Variants in CCDC88C observed in about 807,000 individuals in gnomAD.
CCDC88C encodes the protein coiled-coil and HOOK domain protein 88C, also known as protein Daple.
Under a neutral mutation model 198.8 loss-of-function variants are expected in CCDC88C, and 131 were observed. The observed-to-expected ratio is 0.66, with a 90% CI of 0.57 to 0.76. The LOEUF (loss-of-function observed/expected upper bound fraction) is 0.76. CCDC88C is among the 30% of genes least tolerant of loss of function. The probability of loss-of-function intolerance (pLI) is 0.00; values close to 1 mark genes in which losing one functional copy is unlikely to be tolerated. For missense variants in CCDC88C, 2,553 were observed against 2,631.6 expected, an observed-to-expected ratio of 0.97 and a Z score of 0.65; for synonymous variants, 1,166 against 1,114.7, an observed-to-expected ratio of 1.05 and a Z score of -0.92.
At chr14:91,383,043 G>C (rs556563845) in intron 3 of CCDC88C, among the ~76,000 whole-genome samples, 17 of 152,310 alleles carry the variant, frequency 1.1e-4, no homozygotes, top group African/African-American at 3.8e-4. Flanking sequence ...CTTAAAGCCA[G>C]ATCCTACTGA....
chr14:91,412,609 G>GT (rs1434787043), intron 2 of CCDC88C, among the ~76,000 whole-genome samples: 3 of 151,886 alleles, frequency 2.0e-5, no homozygotes, highest in African/African-American at 7.2e-5. Context: ...TAATTTTTTT[G>GT]TATTTTTAGT....
chr14:91,408,579 C>A, intron 3 of CCDC88C, 80 bp downstream of exon 3: 2 of 892,892 alleles, frequency 2.2e-6, no homozygotes, highest in Non-Finnish European at 1.9e-6. Context: ...CGTTTCCTCC[C>A]GGCCTCCTGT....
Position 91,307,201 on chromosome 14 carries a change from C to T in CCDC88C, c.3032G>A (p.Arg1011Lys), listed in dbSNP as rs755160636. Reference sequence around the variant, plus strand: ...GTGCTGCCCCTCTCCCTGGTTCTGCCTGAGGGTCTCACACTCCTTCTTTAG... The same window carrying T: ...GTGCTGCCCCTCTCCCTGGTTCTGCTTGAGGGTCTCACACTCCTTCTTTAG... ...QMLKKECETL[R>K]QNQGEGQHLQ... The change falls in exon 18 of 30, where the codon AGG becomes AAG. Residue 1011 changes from arginine (R) to lysine (K), a missense_variant. Around this residue, in one of 2 missense-constraint regions of CCDC88C, gnomAD observed 1,260 missense variants for 1,412.0 expected, o/e 0.89. Transcript: ENST00000389857. 3.1e-6 allele frequency: 5 copies of T among 1,613,656 alleles called. No individual in the cohort carries two copies. Among genetic ancestry groups the T allele is most frequent in the African/African-American group, 2.7e-5 (2 of 74,930 alleles).
rs1421168314 is a variant in CCDC88C, at chr14:91,342,311, A to G, written c.483+69T>C. ...CTTCAAACGTTTCCACTCATAGAGA[A>G]GTTTTGCCTCCCGGCCACCACAGGA... On this transcript the variant is annotated intron_variant, in intron 6 of 29. Transcript: ENST00000389857. 47 of 895,290 alleles carry G rather than the reference A, an allele frequency of 5.2e-5. No homozygotes were observed. In the East Asian group the frequency reaches 1.1e-3, roughly 21 times the overall value. 55.5% of individuals were successfully genotyped at this position (895,290 alleles called of 1,614,324 possible). A position where few individuals can be genotyped will look rare whatever the true frequency, so the allele number is the denominator to read the frequency against.
At position 91,303,703 on chromosome 14, in the gene CCDC88C, C is replaced by T. The variant is rs1384952570; in HGVS notation, c.3633G>A (p.Glu1211=). The T allele has an allele frequency of 6.3e-7, 1 of 1,580,766 alleles. No individual in the cohort carries two copies. The highest frequency in any genetic ancestry group is 8.6e-7 in the Non-Finnish European group (1 of 1,161,558). Residue 1211 remains glutamate (E), a splice_region_variant and synonymous_variant, in exon 20 of 30, where the codon GAG becomes GAA. Coordinates refer to ENST00000389857, the MANE Select transcript of CCDC88C (RefSeq NM_001080414.4). ...CCCCTTCCTTCCCCAGGCCCTACCT[C>T]TCCCCGAGCTCCTTGTGCTCCAGCT... The part of the protein sequence containing the change: ...NLELEHKELG[E]RHGDMLKRKA...
In CCDC88C at chr14:91,271,759, C is replaced by G. The variant is rs558023619; in HGVS notation, c.*866G>C. The G allele has an allele frequency of 6.6e-6, 1 of 152,572 alleles. No homozygotes were observed. The highest frequency in any genetic ancestry group is 1.5e-5 in the Non-Finnish European group (1 of 68,052). The allele number at this position is 152,572 out of a possible 1,614,324, so 9.5% of individuals were successfully genotyped here. On this transcript the variant is annotated 3_prime_UTR_variant, in exon 30 of 30. Coordinates refer to ENST00000389857, the MANE Select transcript of CCDC88C (RefSeq NM_001080414.4). ...CCCCGAGACCGGGGATGTCGGGTGC[C>G]GCAGCCAGGTTACACATCGAGCTTG...
At chr14:91,291,274 G>C (rs1000877192) in intron 23 of CCDC88C, among the ~76,000 whole-genome samples, 190 bp from the exon 24 acceptor site, 31 of 152,310 alleles carry the variant, frequency 2.0e-4, no homozygotes, top group Admixed American at 7.2e-4. Context: ...CGTGGGTTCA[G>C]GGAGCTCTAT....
At position 91,272,736 on chromosome 14, in the gene CCDC88C, G is replaced by A. The variant is rs771889634; in HGVS notation, c.5976C>T (p.Leu1992=). 8.8e-5 allele frequency: 141 copies of A among 1,610,020 alleles called. No individual in the cohort carries two copies. Among genetic ancestry groups the A allele is most frequent in the Non-Finnish European group, 1.1e-4 (133 of 1,179,380 alleles). Residue 1992 remains leucine (L), a synonymous_variant, in exon 30 of 30, where the codon CTC becomes CTT. Coordinates refer to ENST00000389857, the MANE Select transcript of CCDC88C (RefSeq NM_001080414.4). ...GACTGCAGTCCTCCAGGGCCCGGCC[G>A]AGGTGGGGAGCCAAATCGGGAGACC... is the stretch of plus-strand genomic sequence containing the variant. The part of the protein sequence containing the change: ...PGRSPDLAPH[L]GRALEDCSRG...
intron 3 of CCDC88C, among the ~76,000 whole-genome samples, chr14:91,402,963 A>G (rs770557032): frequency 4.6e-5 from 7 of 152,196 alleles, no homozygotes; most frequent in Non-Finnish European, 8.8e-5. Flanking sequence ...AGCCGAGCTC[A>G]AGGAACCCAG....
At chr14:91,275,271 G>A (rs1402732073) in intron 29 of CCDC88C, among the ~76,000 whole-genome samples, 2 of 152,256 alleles carry the variant, frequency 1.3e-5, no homozygotes, top group African/African-American at 4.8e-5. Flanking sequence ...AACAGTACAG[G>A]GCACAGGGAA....
intron 4 of CCDC88C, among the ~76,000 whole-genome samples, chr14:91,359,259 T>C (rs1234945772): frequency 8.1e-6 from 1 of 123,346 alleles, no homozygotes; most frequent in African/African-American, 3.0e-5. Context: ...CGGGCCATTC[T>C]CCTGCCTCAG....
intron 10 of CCDC88C, among the ~76,000 whole-genome samples, chr14:91,332,390 G>GT (rs1199131995): frequency 6.6e-6 from 1 of 152,160 alleles, no homozygotes; most frequent in East Asian, 1.9e-4. Context: ...TACTCATTTT[G>GT]TTTTTTCACC....
Position 91,387,338 on chromosome 14 carries a change from C to T in CCDC88C, c.270+21321G>A, listed in dbSNP as rs751271607. Among the ~76,000 whole-genome samples, 4 of 152,138 alleles carry T rather than the reference C, an allele frequency of 2.6e-5. No homozygotes were observed. In the East Asian group the frequency reaches 5.8e-4, roughly 22 times the overall value. On this transcript the variant is annotated intron_variant, in intron 3 of 29. Coordinates refer to ENST00000389857, the MANE Select transcript of CCDC88C (RefSeq NM_001080414.4). ...GGTTGTCATGGAGAGTGCCAACGTC[C>T]GGGCCATGGAGGTTTGGCGAATTGG...
intron 20 of CCDC88C, among the ~76,000 whole-genome samples, chr14:91,302,360 C>A (rs1348756144): frequency 6.6e-6 from 1 of 152,212 alleles, no homozygotes. Context: ...CTGAGAGCCT[C>A]TCTTTAGCCA....
chr14:91,283,631 A>T, intron 25 of CCDC88C, 114 bp from the exon 26 acceptor site: 2 of 1,009,738 alleles, frequency 2.0e-6, no homozygotes, highest in Non-Finnish European at 2.9e-6. Context: ...CAGAGACAAA[A>T]GCGGGGCTGC....
intron 3 of CCDC88C, among the ~76,000 whole-genome samples, chr14:91,383,347 G>T (rs2139957960): frequency 6.6e-6 from 1 of 152,354 alleles, no homozygotes; most frequent in Non-Finnish European, 1.5e-5. Context: ...ATCTCAGGGG[G>T]CCATGAACAG....
chr14:91,301,919 CA>C (rs1304268150), intron 20 of CCDC88C, among the ~76,000 whole-genome samples: 2 of 152,040 alleles, frequency 1.3e-5, no homozygotes. Context: ...AAATGTCACA[CA>C]AATAACAAGA....
At chr14:91,297,265 T>G (rs758453663) in intron 22 of CCDC88C, 40 bp downstream of exon 22, 2 of 1,591,944 alleles carry the variant, frequency 1.3e-6, no homozygotes, top group East Asian at 2.3e-5. Context: ...CTTGGGGGAC[T>G]CATCCCTGTC....
intron 27 of CCDC88C, 153 bp downstream of exon 27, chr14:91,281,304 G>A: frequency 6.6e-7 from 1 of 1,522,332 alleles, no homozygotes; most frequent in South Asian, 1.2e-5. Flanking sequence ...TACACGCTCA[G>A]CCCCCTGGGG....
Sources: gnomAD v4.1 joint callset for allele counts (sites outside exome capture counted in the v4.1 genomes callset) on GRCh38, gnomAD v4.1.1 for gene constraint, gnomAD v4.1.1 regional missense constraint, MANE v1.5 for transcripts, NCBI Gene and HGNC (gene_info 2026-07-23, HGNC 2026-07-21) for gene names.